The following PPP1R37 variants were observed in gnomAD, a reference collection of about 807,000 sequenced individuals.
The protein encoded by PPP1R37 is protein phosphatase 1 regulatory subunit 37.
Under a neutral mutation model 61.0 loss-of-function variants are expected in PPP1R37, and 21 were observed. The ratio of observed to expected loss-of-function variants is 0.34; its 90% CI spans 0.24 to 0.50. The LOEUF (loss-of-function observed/expected upper bound fraction) is 0.50, where lower values mean the gene tolerates loss of function less well. PPP1R37 is among the 20% of genes least tolerant of loss of function. PPP1R37 has a pLI of 0.98. For missense variants in PPP1R37, 910 were observed against 952.7 expected (o/e 0.96, Z 0.59); for synonymous variants, 443 against 433.5 (o/e 1.02, Z -0.27).
intron 12 of PPP1R37, 32 bp from the exon 13 acceptor site, chr19:45,146,539 G>C: frequency 3.2e-6 from 4 of 1,231,278 alleles, no homozygotes; most frequent in Non-Finnish European, 4.6e-6. Flanking sequence ...CTCTGGCTCT[G>C]ACAGTCTCTC....
chr19:45,097,375 G>A (rs150387554), intron 1 of PPP1R37, among the ~76,000 whole-genome samples: 291 of 152,054 alleles, frequency 1.9e-3, no homozygotes, highest in Non-Finnish European at 3.5e-3. Flanking sequence ...GCTAGAGATG[G>A]AGCGCTGCCT....
At chr19:45,105,871 C>T (rs1048945803) in intron 1 of PPP1R37, among the ~76,000 whole-genome samples, 1 of 152,184 alleles carries the variant, frequency 6.6e-6, no homozygotes, top group East Asian at 1.9e-4. Flanking sequence ...AGCAGGTGTT[C>T]AGTAAATGTT....
intron 1 of PPP1R37, among the ~76,000 whole-genome samples, chr19:45,095,757 T>TAAA: frequency 8.8e-6 from 1 of 113,986 alleles, no homozygotes; most frequent in Non-Finnish European, 2.0e-5. Flanking sequence ...AGACCCGGTC[T>TAAA]TAAAAAAAAA....
At chr19:45,136,065 G>A (rs1317002840) in intron 1 of PPP1R37, 1 of 152,068 alleles carries the variant, frequency 6.6e-6, no homozygotes, top group African/African-American at 2.4e-5. Flanking sequence ...TTACAGGCAT[G>A]AGCCACCATG....
chr19:45,099,673 C>A (rs1968037978), intron 1 of PPP1R37, among the ~76,000 whole-genome samples: 1 of 152,246 alleles, frequency 6.6e-6, no homozygotes, highest in Admixed American at 6.5e-5. Flanking sequence ...CATCTATTTC[C>A]CCCTTCAAGG....
Position 45,142,379 on chromosome 19 carries a change from G to C in PPP1R37, c.795G>C (p.Ser265=), listed in dbSNP as rs531551526. ...ACAAGCTCAACGGCCTGCAGGACTCGGCCCAGCTGGGTAACCTGCTCAAGT... is the reference window on the plus strand; with the variant it reads ...ACAAGCTCAACGGCCTGCAGGACTCCGCCCAGCTGGGTAACCTGCTCAAGT... The part of the protein sequence containing the change: ...ADNKLNGLQD[S]AQLGNLLKFN... Residue 265 remains serine (S), a synonymous_variant, in exon 7 of 13, where the codon TCG becomes TCC. Coordinates refer to ENST00000221462, the MANE Select transcript of PPP1R37 (RefSeq NM_019121.2). The C allele has an allele frequency of 2.0e-6, 3 of 1,535,972 alleles. No homozygotes were observed. In the South Asian group the frequency reaches 3.6e-5, roughly 18 times the overall value.
At position 45,142,489 on chromosome 19, in the gene PPP1R37, C is replaced by T. The variant is rs563628710; in HGVS notation, c.874+31C>T. On this transcript the variant is annotated intron_variant, in intron 7 of 12. Coordinates refer to ENST00000221462, the MANE Select transcript of PPP1R37 (RefSeq NM_019121.2). ...TGCAGTGGCCCACCCCACCCACACC[C>T]GTCACCCAGCACCCACTCTGCCCGG... 6,293 of 1,532,470 alleles carry T rather than the reference C, an allele frequency of 4.1e-3. 17 individuals carry two copies. The highest frequency in any genetic ancestry group is 4.7e-3 in the Non-Finnish European group (5,333 of 1,144,240). The allele number at this position is 1,532,470 out of a possible 1,614,324, so 94.9% of individuals were successfully genotyped here.
chr19:45,094,157 T>C (rs1014980030), intron 1 of PPP1R37, among the ~76,000 whole-genome samples: 1 of 152,148 alleles, frequency 6.6e-6, no homozygotes, highest in African/African-American at 2.4e-5. Flanking sequence ...TTTTATGTTT[T>C]CTTTTTTATT....
At chr19:45,132,483 G>A (rs1344198181) in intron 1 of PPP1R37, among the ~76,000 whole-genome samples, 3 of 151,912 alleles carry the variant, frequency 2.0e-5, no homozygotes, top group Non-Finnish European at 4.4e-5. Context: ...TGTTTGTTTT[G>A]TAGAGACAGG....
rs1416715448 is a variant in PPP1R37, at chr19:45,098,509, A to AGT, written c.202+4990_202+4991dup. On this transcript the variant is annotated intron_variant, in intron 1 of 12. Coordinates refer to ENST00000221462, the MANE Select transcript of PPP1R37 (RefSeq NM_019121.2). The stretch of plus-strand genomic sequence containing the variant: ...CCTGCTCCCTGACCATCAGTCCTCC[A>AGT]GTGTGTGTGCGTTGGGGGTTTGCCC... Among the ~76,000 whole-genome samples, 4 of 152,212 alleles carry AGT rather than the reference A, an allele frequency of 2.6e-5. No homozygotes were observed. The East Asian group carries it at 7.7e-4, about 29-fold the overall frequency.
chr19:45,107,077 A>G (rs938718728), intron 1 of PPP1R37, among the ~76,000 whole-genome samples: 2 of 151,692 alleles, frequency 1.3e-5, no homozygotes, highest in African/African-American at 2.4e-5. Flanking sequence ...TGGCCTCCCA[A>G]AGTGCTGGGA....
In PPP1R37 at chr19:45,093,516, C is replaced by G; in HGVS notation, c.191C>G (p.Pro64Arg). The G allele has an allele frequency of 4.6e-6, 7 of 1,534,324 alleles. No homozygotes were observed. The highest frequency in any genetic ancestry group is 6.1e-6 in the Non-Finnish European group (7 of 1,145,906). Residue 64 changes from proline to arginine, a missense_variant, in exon 1 of 13, where the codon CCC becomes CGC. Physicochemically the swap from Pro to Arg is moderately radical, Grantham distance 103. Transcript: ENST00000221462. ...IVSGAVEPKD[P>R]WRHAQNVTVD... ...TCTGGAGCAGTGGAGCCCAAAGACC[C>G]CTGGAGACATGGTAGCTACCGCGGG...
intron 1 of PPP1R37, among the ~76,000 whole-genome samples, chr19:45,119,758 C>T (rs1435363058): frequency 1.3e-5 from 2 of 152,202 alleles, no homozygotes; most frequent in African/African-American, 4.8e-5. Context: ...AGGGCTGTGT[C>T]TCTTGTGGCT....
In PPP1R37 at chr19:45,099,491, C is replaced by T. The variant is rs1019234806; in HGVS notation, c.202+5964C>T. On this transcript the variant is annotated intron_variant, in intron 1 of 12. Coordinates refer to ENST00000221462, the MANE Select transcript of PPP1R37 (RefSeq NM_019121.2). ...CTGAGTCTCCTCTGGAGCGGGGGCT[C>T]CACCACCCCAGCCCCCTGCCCTGTT... Among the ~76,000 whole-genome samples the T allele has an allele frequency of 7.9e-5, 12 of 152,340 alleles. No individual in the cohort carries two copies. In the South Asian group the frequency reaches 1.0e-3, roughly 13 times the overall value.
At position 45,145,667 on chromosome 19, in the gene PPP1R37, C is replaced by T; in HGVS notation, c.1611C>T (p.Ser537=). ...CTGCCCTGGTGCCCCCCACGGACTCCCTGGGCCCTGGGGACAGGAGTCCCC... is the reference window on the plus strand; with the variant it reads ...CTGCCCTGGTGCCCCCCACGGACTCTCTGGGCCCTGGGGACAGGAGTCCCC... The part of the protein sequence containing the change: ...PCPALVPPTD[S]LGPGDRSPPG... The change falls in exon 11 of 13, where the codon TCC becomes TCT. Residue 537 remains serine (S), a synonymous_variant. Transcript: ENST00000221462. The T allele has an allele frequency of 2.0e-6, 3 of 1,535,338 alleles. No homozygotes were observed. Among genetic ancestry groups the T allele is most frequent in the Non-Finnish European group, 1.7e-6 (2 of 1,146,532 alleles).
intron 4 of PPP1R37, 153 bp downstream of exon 4, chr19:45,140,759 A>T (rs1467738734): frequency 1.3e-5 from 8 of 619,972 alleles, no homozygotes; most frequent in Non-Finnish European, 2.3e-5. Context: ...CAAGAGGGAG[A>T]CATCCAATAT....
At chr19:45,102,979 G>C (rs1968083165) in intron 1 of PPP1R37, among the ~76,000 whole-genome samples, 1 of 152,226 alleles carries the variant, frequency 6.6e-6, no homozygotes, top group Non-Finnish European at 1.5e-5. Context: ...ATTGCAAGAA[G>C]GTGGTTCAGA....
At chr19:45,123,365 G>A (rs1030208651) in intron 1 of PPP1R37, among the ~76,000 whole-genome samples, 19 of 152,176 alleles carry the variant, frequency 1.2e-4, no homozygotes, top group Non-Finnish European at 2.6e-4. Flanking sequence ...ACCTACGAGC[G>A]CATCCTTGCT....
At chr19:45,143,392 C>T (rs1019634605) in intron 7 of PPP1R37, 129 bp from the exon 8 acceptor site, 2 of 592,820 alleles carry the variant, frequency 3.4e-6, no homozygotes, top group Admixed American at 2.9e-5. Flanking sequence ...GGCAGGGCTG[C>T]AGGGCAAGGC....
Sources: gnomAD v4.1 joint callset for allele counts (sites outside exome capture counted in the v4.1 genomes callset) on GRCh38, gnomAD v4.1.1 for gene constraint, MANE v1.5 for transcripts, NCBI Gene and HGNC (gene_info 2026-07-23, HGNC 2026-07-21) for gene names.